The following TAMM41 variants were observed in gnomAD, a reference collection of about 807,000 sequenced individuals.
TAMM41 encodes the protein phosphatidate cytidylyltransferase, mitochondrial.
Under a neutral mutation model 44.1 loss-of-function variants are expected in TAMM41, and 36 were observed. The observed-to-expected ratio is 0.82, with a 90% CI of 0.63 to 1.08. TAMM41 has a LOEUF of 1.08. Ranked by LOEUF, TAMM41 falls within the 50% of genes least tolerant of loss-of-function variation. The pLI, the probability that TAMM41 is intolerant of heterozygous loss-of-function variation, is 0.00. For missense variants in TAMM41, 417 were observed against 404.3 expected, an observed-to-expected ratio of 1.03 and a Z score of -0.27; for synonymous variants, 164 against 153.1, an observed-to-expected ratio of 1.07 and a Z score of -0.53.
chr3:11,727,410 C>A, the TAMM41 span, among the ~76,000 whole-genome samples: 3 of 152,184 alleles, frequency 2.0e-5, no homozygotes, highest in Non-Finnish European at 4.4e-5. Context: ...GCAAGCTTCC[C>A]AAGTGACTCA....
intron 7 of TAMM41, among the ~76,000 whole-genome samples, chr3:11,803,101 G>A (rs573688007): frequency 1.8e-4 from 28 of 152,242 alleles, no homozygotes; most frequent in South Asian, 2.1e-4. Context: ...GTGAAACTCC[G>A]ATTTTACTAA....
At chr3:11,819,398 G>C (rs768265166) in intron 4 of TAMM41, among the ~76,000 whole-genome samples, 1 of 152,150 alleles carries the variant, frequency 6.6e-6, no homozygotes, top group South Asian at 2.1e-4. Flanking sequence ...AGAAACTTGC[G>C]TAAGGTTTCC....
chr3:11,759,116 T>C, the TAMM41 span, among the ~76,000 whole-genome samples: 1 of 152,126 alleles, frequency 6.6e-6, no homozygotes, highest in Non-Finnish European at 1.5e-5. Context: ...CAATTATTAA[T>C]GGGATTTGGG....
rs929318252 is a variant in TAMM41, at chr3:11,818,413, G to A, written c.563-1076C>T. Among the ~76,000 whole-genome samples the A allele has an allele frequency of 4.9e-4, 74 of 152,164 alleles. 1 individual carries two copies. The highest frequency in any genetic ancestry group is 2.4e-4 in the Non-Finnish European group (16 of 68,024). On this transcript the variant is annotated intron_variant, in intron 4 of 7. Transcript: ENST00000455809. ...CTGGAGAGGGGAAGGGATCATAGAG[G>A]TCATTATTTGCCACAATGGATTTTC...
chr3:11,815,873 G>T (rs759456295), intron 5 of TAMM41, among the ~76,000 whole-genome samples: 1 of 152,194 alleles, frequency 6.6e-6, no homozygotes, highest in Non-Finnish European at 1.5e-5. Flanking sequence ...GCTGCCTCTG[G>T]TAAGCAGGGC....
At chr3:11,819,256 C>T (rs1200508608) in intron 4 of TAMM41, among the ~76,000 whole-genome samples, 2 of 152,076 alleles carry the variant, frequency 1.3e-5, no homozygotes, top group South Asian at 2.1e-4. Context: ...TAACGTTTAC[C>T]GAGCATCTGG....
intron 4 of TAMM41, 151 bp downstream of exon 4, chr3:11,829,563 A>G (rs1472921952): frequency 9.5e-6 from 7 of 739,034 alleles, no homozygotes; most frequent in Non-Finnish European, 1.5e-5. Flanking sequence ...GTAGGGAGGC[A>G]AATCACGAGG....
At chr3:11,726,349 G>T in the TAMM41 span, among the ~76,000 whole-genome samples, 1 of 152,340 alleles carries the variant, frequency 6.6e-6, no homozygotes, top group South Asian at 2.1e-4. Context: ...TCCCCTCTGT[G>T]GGGAGCTGAG....
At chr3:11,765,273 C>T in the TAMM41 span, among the ~76,000 whole-genome samples, 4 of 152,280 alleles carry the variant, frequency 2.6e-5, no homozygotes, top group South Asian at 2.1e-4. Flanking sequence ...CACAAATACC[C>T]GTCACCGCCA....
At chr3:11,794,813 A>T (rs999650532) in intron 7 of TAMM41, among the ~76,000 whole-genome samples, 1 of 152,192 alleles carries the variant, frequency 6.6e-6, no homozygotes, top group East Asian at 1.9e-4. Flanking sequence ...TAGGCTGTGA[A>T]AGATCTCTAT....
the TAMM41 span, among the ~76,000 whole-genome samples, chr3:11,768,776 A>C: frequency 6.6e-6 from 1 of 152,202 alleles, no homozygotes; most frequent in Non-Finnish European, 1.5e-5. Context: ...GTAGCTCACT[A>C]TCTAGTGGGA....
chr3:11,757,620 G>A, the TAMM41 span, among the ~76,000 whole-genome samples: 24 of 152,270 alleles, frequency 1.6e-4, no homozygotes, highest in Admixed American at 9.8e-4. Flanking sequence ...TTTATTCCTC[G>A]CGTGGATATC....
chr3:11,807,714 G>T lies in TAMM41; in HGVS notation c.937+119C>A, dbSNP rs1177882394. On this transcript the variant is annotated intron_variant, in intron 7 of 7. Coordinates refer to ENST00000455809, the MANE Select transcript of TAMM41 (RefSeq NM_001284401.2). The stretch of plus-strand genomic sequence containing the variant: ...CCTTACTGCAATATCCCAGTTTATG[G>T]CCATCAAAGCTCAGCATTTCACAAG... 2.1e-5 allele frequency: 32 copies of T among 1,535,988 alleles called. No homozygotes were observed. The Admixed American group carries it at 6.3e-4, about 30-fold the overall frequency.
intron 2 of TAMM41, among the ~76,000 whole-genome samples, chr3:11,839,748 C>A (rs1399990506): frequency 6.6e-6 from 1 of 152,152 alleles, no homozygotes; most frequent in Non-Finnish European, 1.5e-5. Flanking sequence ...GCTGAAATCC[C>A]CTTTGTAAAA....
the TAMM41 span, among the ~76,000 whole-genome samples, chr3:11,746,596 A>G: frequency 0.041 from 6,169 of 152,204 alleles, 396 homozygotes; most frequent in African/African-American, 0.14. Context: ...CTGGGGGAAA[A>G]AAAACATATA....
At chr3:11,831,557 CAG>C (rs2078983237) in intron 3 of TAMM41, among the ~76,000 whole-genome samples, 1 of 152,122 alleles carries the variant, frequency 6.6e-6, no homozygotes, top group Non-Finnish European at 1.5e-5. Context: ...TTCTAGAAAA[CAG>C]GGCATAAGTT....
At chr3:11,807,487 G>C in intron 7 of TAMM41, 2 of 1,536,154 alleles carry the variant, frequency 1.3e-6, no homozygotes. Context: ...CAGAGAAGGG[G>C]AAGAGGAGGG....
intron 5 of TAMM41, among the ~76,000 whole-genome samples, chr3:11,812,641 C>T (rs2078125099): frequency 6.6e-6 from 1 of 152,206 alleles, no homozygotes; most frequent in Non-Finnish European, 1.5e-5. Context: ...TAAGTTACGA[C>T]TGCCACCCAA....
intron 7 of TAMM41, among the ~76,000 whole-genome samples, chr3:11,798,476 C>A (rs1168256434): frequency 6.6e-6 from 1 of 152,012 alleles, no homozygotes; most frequent in African/African-American, 2.4e-5. Context: ...TAGAAGGGAA[C>A]AACAGACACT....
Sources: gnomAD v4.1 joint callset for allele counts (sites outside exome capture counted in the v4.1 genomes callset) on GRCh38, gnomAD v4.1.1 for gene constraint, MANE v1.5 for transcripts, NCBI Gene and HGNC (gene_info 2026-07-23, HGNC 2026-07-21) for gene names.